Variants in HOOK3 observed in about 807,000 individuals in gnomAD.
The protein encoded by HOOK3 is protein Hook homolog 3.
A neutral mutation model predicts 116.3 loss-of-function variants in HOOK3; 24 were observed. That is an observed-to-expected ratio of 0.21 (90% CI 0.15 to 0.29). HOOK3 has a LOEUF of 0.29. HOOK3 is among the 10% of genes least tolerant of loss of function. HOOK3 has a pLI of 1.00. For synonymous variants in HOOK3, 275 were observed against 283.0 expected (o/e 0.97, Z 0.28); for missense variants, 632 against 830.2 (o/e 0.76, Z 2.93).
intron 5 of HOOK3, among the ~76,000 whole-genome samples, chr8:42,944,152 T>G (rs1808180360): frequency 6.6e-6 from 1 of 152,050 alleles, no homozygotes; most frequent in African/African-American, 2.4e-5. Context: ...CGGTGGCTCA[T>G]GCCTGTGATC....
intron 4 of HOOK3, among the ~76,000 whole-genome samples, chr8:42,941,540 AG>A (rs1445078171): frequency 6.6e-6 from 1 of 150,736 alleles, no homozygotes; most frequent in Non-Finnish European, 1.5e-5. Context: ...AAAAAAAAAA[AG>A]AGGCATGAGC....
At chr8:42,952,608 T>C (rs908541191) in intron 6 of HOOK3, among the ~76,000 whole-genome samples, 3 of 152,188 alleles carry the variant, frequency 2.0e-5, no homozygotes, top group Non-Finnish European at 2.9e-5. Context: ...TCTGGAGTCA[T>C]CTCCTTAGCT....
At chr8:42,953,485 A>G (rs188838697) in intron 6 of HOOK3, among the ~76,000 whole-genome samples, 2 of 151,840 alleles carry the variant, frequency 1.3e-5, no homozygotes, top group Non-Finnish European at 2.9e-5. Context: ...AATGGCTTCA[A>G]TTTGGGAGCC....
chr8:42,915,453 C>CA (rs1188135784), intron 2 of HOOK3, among the ~76,000 whole-genome samples: 1 of 152,102 alleles, frequency 6.6e-6, no homozygotes, highest in Non-Finnish European at 1.5e-5. Flanking sequence ...TTTTTAAAGA[C>CA]AGAGTCTTGC....
chr8:42,941,450 A>AGAGGTTGCAGTGAGCC (rs1808121998), intron 4 of HOOK3, among the ~76,000 whole-genome samples: 1 of 146,498 alleles, frequency 6.8e-6, no homozygotes, highest in East Asian at 2.1e-4. Flanking sequence ...CCCGGGAGGC[A>AGAGGTTGCAGTGAGCC]GAGGTTGCAG....
chr8:42,956,021 A>G (rs1031734807), intron 6 of HOOK3, among the ~76,000 whole-genome samples: 6 of 152,122 alleles, frequency 3.9e-5, no homozygotes, highest in Admixed American at 6.5e-5. Context: ...GATGCTTACC[A>G]CCACACCCAG....
rs1807668431 is a variant in HOOK3 at position 42,922,131 on chromosome 8, G to A, written c.144-3426G>A. 2.0e-5 allele frequency among the ~76,000 whole-genome samples: 3 copies of A among 152,276 alleles called. No homozygotes were observed. The South Asian group carries it at 6.2e-4, about 32-fold the overall frequency. ...TTATAGACCTAAATATAAGAGCTAA[G>A]TTATGTAAAACTTTTAAAAGAAAAT... On this transcript the variant is annotated intron_variant, in intron 2 of 21. Coordinates refer to ENST00000307602, the MANE Select transcript of HOOK3 (RefSeq NM_032410.4).
chr8:42,904,648 C>G (rs1807267292), intron 1 of HOOK3, among the ~76,000 whole-genome samples: 1 of 152,112 alleles, frequency 6.6e-6, no homozygotes, highest in South Asian at 2.1e-4. Context: ...TCATGGCTCA[C>G]TCCCCTGGTT....
rs2130490903 is a variant in HOOK3 at position 43,013,399 on chromosome 8, T to C, written c.2015T>C (p.Met672Thr). Reference protein sequence around the residue: ...EKYIVSAWYNMGMTLHKKAAE... With the variant: ...EKYIVSAWYNTGMTLHKKAAE... ...TATATTGTTAGTGCCTGGTACAATATGGTAAGAAAATAGTACTTTGGAGCA... is the reference window on the plus strand; with the variant it reads ...TATATTGTTAGTGCCTGGTACAATACGGTAAGAAAATAGTACTTTGGAGCA... Residue 672 changes from methionine to threonine, a missense_variant and splice_region_variant, in exon 21 of 22, where the codon ATG becomes ACG. Met to Thr is a moderately conservative substitution (Grantham distance 81). Transcript: ENST00000307602. 1 of 1,578,098 alleles carries C rather than the reference T, an allele frequency of 6.3e-7. No individual in the cohort carries two copies. The highest frequency in any genetic ancestry group is 8.6e-7 in the Non-Finnish European group (1 of 1,166,132).
rs1809950298 is a variant in HOOK3 at position 43,027,335 on chromosome 8, T to G, written c.*8837T>G. 1 of 298,290 alleles carries G rather than the reference T, an allele frequency of 3.4e-6. No individual in the cohort carries two copies. The allele number at this position is 298,290 out of a possible 1,614,324, so 18.5% of individuals were successfully genotyped here. A position where few individuals can be genotyped will look rare whatever the true frequency, so the allele number is the denominator to read the frequency against. On this transcript the variant is annotated 3_prime_UTR_variant, in exon 22 of 22. Coordinates refer to ENST00000307602, the MANE Select transcript of HOOK3 (RefSeq NM_032410.4). ...TCATAGTTCAAAAATACTGAAATAC[T>G]TGTTTATTATGTTACATAAATATGG...
intron 4 of HOOK3, among the ~76,000 whole-genome samples, chr8:42,942,049 A>G (rs973284249): frequency 1.3e-5 from 2 of 152,180 alleles, no homozygotes; most frequent in African/African-American, 2.4e-5. Context: ...ACTTGAGGTC[A>G]GGAGTTTGAG....
intron 20 of HOOK3, 53 bp downstream of exon 20, chr8:43,013,208 G>C: frequency 1.4e-6 from 2 of 1,454,402 alleles, no homozygotes; most frequent in Non-Finnish European, 1.9e-6. Context: ...TTAATGTTTT[G>C]GGAGCCTTGT....
intron 15 of HOOK3, among the ~76,000 whole-genome samples, chr8:42,992,399 C>CAAA (rs36048747): frequency 1.0e-4 from 4 of 38,912 alleles, no homozygotes; most frequent in Non-Finnish European, 1.5e-4. Context: ...GACTCTGTCT[C>CAAA]AAAAAAAAAA....
At chr8:42,936,161 A>G (rs1309218502) in intron 4 of HOOK3, among the ~76,000 whole-genome samples, 1 of 152,176 alleles carries the variant, frequency 6.6e-6, no homozygotes, top group Non-Finnish European at 1.5e-5. Flanking sequence ...AGCAGTTGCA[A>G]ATGGGAGTTG....
Position 42,921,302 on chromosome 8 carries a change from G to A in HOOK3, c.144-4255G>A, listed in dbSNP as rs535215149. Among the ~76,000 whole-genome samples, 5 of 152,184 alleles carry A rather than the reference G, an allele frequency of 3.3e-5. No individual in the cohort carries two copies. The East Asian group carries it at 9.6e-4, about 29-fold the overall frequency. ...TGGCTTTGGATAGTCATCAGCTGCA[G>A]GGCACCAGATTCATGTGTGAGTCTT... On this transcript the variant is annotated intron_variant, in intron 2 of 21. Coordinates refer to ENST00000307602, the MANE Select transcript of HOOK3 (RefSeq NM_032410.4).
intron 4 of HOOK3, 102 bp downstream of exon 4, chr8:42,930,274 C>A (rs1412555119): frequency 1.9e-6 from 2 of 1,036,650 alleles, no homozygotes; most frequent in Non-Finnish European, 2.6e-6. Context: ...AATTAATAAT[C>A]AGTTTGTCGT....
At position 42,968,111 on chromosome 8, in the gene HOOK3, TAGAAG is replaced by T; in HGVS notation, c.1026_1030del (p.Lys343TyrfsTer25). ...GATTTAAGGCGGCAGGTTAAACTCT[TAGAAG>T]AGAAGAATACCATGTATATGCAGAA... On this transcript the variant is annotated frameshift_variant, in exon 11 of 22. Transcript: ENST00000307602. LOFTEE classifies it high-confidence loss of function. 6.2e-7 allele frequency: 1 copy of T among 1,612,722 alleles called. No individual in the cohort carries two copies. The highest frequency in any genetic ancestry group is 8.5e-7 in the Non-Finnish European group (1 of 1,178,792).
Position 42,966,702 on chromosome 8 carries a change from AGGCTACCTG to A in HOOK3, c.920+94_920+102del, listed in dbSNP as rs939906228. 7.7e-6 allele frequency: 11 copies of A among 1,430,638 alleles called. No individual in the cohort carries two copies. The African/African-American group carries it at 1.4e-4, about 18-fold the overall frequency. 88.6% of individuals were successfully genotyped at this position (1,430,638 alleles called of 1,614,324 possible). Reference sequence around the variant, plus strand: ...TGAGGATCTAGCAAACTTAAGAGCCAGGCTACCTGGGCTGGGATCCCGGGTCTACTGCTT... The same window carrying A: ...TGAGGATCTAGCAAACTTAAGAGCCAGGCTGGGATCCCGGGTCTACTGCTT... On this transcript the variant is annotated intron_variant, in intron 10 of 21. Coordinates refer to ENST00000307602, the MANE Select transcript of HOOK3 (RefSeq NM_032410.4).
chr8:42,917,262 T>A (rs1158297633), intron 2 of HOOK3, among the ~76,000 whole-genome samples: 1 of 152,204 alleles, frequency 6.6e-6, no homozygotes, highest in African/African-American at 2.4e-5. Context: ...CTGAGCGCGT[T>A]GAGGTGATCA....
Sources: allele counts gnomAD v4.1 joint callset (sites outside exome capture counted in the v4.1 genomes callset), GRCh38; gene constraint gnomAD v4.1.1; transcripts MANE v1.5; gene names NCBI Gene and HGNC (gene_info 2026-07-23, HGNC 2026-07-21).